Variants in ZNF746 observed in about 807,000 individuals in gnomAD.
The protein encoded by ZNF746 is zinc finger protein 746.
ZNF746 carries 13 observed loss-of-function variants against 41.0 expected under a neutral mutation model. That is an observed-to-expected ratio of 0.32 (90% confidence interval 0.21 to 0.50). ZNF746 has a LOEUF of 0.50. Ranked by LOEUF, ZNF746 falls within the 20% of genes least tolerant of loss-of-function variation. The pLI is 0.98. For missense variants in ZNF746, 811 were observed against 922.9 expected, an observed-to-expected ratio of 0.88 and a Z score of 1.57; for synonymous variants, 424 against 396.2, an observed-to-expected ratio of 1.07 and a Z score of -0.83.
intron 4 of ZNF746, among the ~76,000 whole-genome samples, chr7:149,484,400 T>A (rs972995162): frequency 6.6e-5 from 10 of 152,202 alleles, no homozygotes; most frequent in African/African-American, 2.4e-4. Context: ...ATAATTTACC[T>A]TACTAGCAGG....
At chr7:149,491,202 G>A (rs1800794936) in intron 4 of ZNF746, 1 of 152,464 alleles carries the variant, frequency 6.6e-6, no homozygotes, top group Admixed American at 6.5e-5. Flanking sequence ...AACAGGCTCA[G>A]GATGGACAGT....
rs1801045975 is a variant in ZNF746 at position 149,497,439 on chromosome 7, C to T, written c.24+74G>A. On this transcript the variant is annotated intron_variant, in intron 1 of 6. Transcript: ENST00000458143. This position sits in a 1 kb window ranked among gnomAD's most constrained non-coding sequence, Gnocchi z 4.2. ...CCCCGGAACCCCTCCCCAGGGCCTG[C>T]GGCGCCGTGTGCCGGGGCCGGGCCG... 2.9e-6 allele frequency: 3 copies of T among 1,050,584 alleles called. No individual in the cohort carries two copies. The highest frequency in any genetic ancestry group is 3.4e-6 in the Non-Finnish European group (3 of 872,358). 65.1% of individuals were successfully genotyped at this position (1,050,584 alleles called of 1,614,324 possible).
At chr7:149,478,903 C>T (rs1362398585) in intron 4 of ZNF746, among the ~76,000 whole-genome samples, 4 of 152,118 alleles carry the variant, frequency 2.6e-5, no homozygotes, top group Admixed American at 2.6e-4. Flanking sequence ...GGCTCTGGCT[C>T]AACAACAACA....
At chr7:149,496,456 C>A (rs1248223153) in intron 1 of ZNF746, among the ~76,000 whole-genome samples, 1 of 152,196 alleles carries the variant, frequency 6.6e-6, no homozygotes, top group Non-Finnish European at 1.5e-5. Context: ...CACTGCCCAC[C>A]CGCAGGATGA....
intron 4 of ZNF746, among the ~76,000 whole-genome samples, chr7:149,478,784 A>C (rs1800397732): frequency 6.6e-6 from 1 of 152,266 alleles, no homozygotes; most frequent in Non-Finnish European, 1.5e-5. Context: ...AAAGAACAGA[A>C]TCTTTAAGGC....
chr7:149,477,938 T>C (rs1800367565), intron 4 of ZNF746, 183 bp from the exon 5 acceptor site: 2 of 502,566 alleles, frequency 4.0e-6, no homozygotes, highest in East Asian at 6.3e-5. Context: ...GGTCACATGG[T>C]ATTGGGAATG....
chr7:149,477,445 A>G (rs1800343046), intron 5 of ZNF746, 119 bp downstream of exon 5: 4 of 1,233,268 alleles, frequency 3.2e-6, no homozygotes, highest in African/African-American at 1.5e-5. Flanking sequence ...GAAAATTTCT[A>G]AAGTTGTCAG....
intron 3 of ZNF746, among the ~76,000 whole-genome samples, chr7:149,493,755 T>A (rs1029115810): frequency 1.1e-4 from 16 of 152,164 alleles, no homozygotes; most frequent in African/African-American, 3.6e-4. Context: ...CGGGCCTGCG[T>A]AGGAGAGAAG....
At position 149,475,201 on chromosome 7, in the gene ZNF746, A is replaced by G; in HGVS notation, c.1166T>C (p.Leu389Pro). ...AQEETPPGDW[L>P]FGGVRWGWNF... is the part of the protein sequence containing the mutation. Reference sequence around the variant, plus strand: ...CCAGCCCCACCGGACCCCTCCGAAGAGCCAGTCCCCAGGAGGGGTCTCCTC... The same window carrying G: ...CCAGCCCCACCGGACCCCTCCGAAGGGCCAGTCCCCAGGAGGGGTCTCCTC... The change falls in exon 7 of 7, where the codon CTC (leucine) becomes CCC (proline). Residue 389 changes from leucine to proline, a missense_variant. Leu to Pro is a moderately conservative substitution (Grantham distance 98). Coordinates refer to ENST00000458143, the MANE Select transcript of ZNF746 (RefSeq NM_001394198.1). 8 of 1,612,742 alleles carry G rather than the reference A, an allele frequency of 5.0e-6. No homozygotes were observed. The highest frequency in any genetic ancestry group is 6.8e-6 in the Non-Finnish European group (8 of 1,179,726).
Position 149,494,110 on chromosome 7 carries a change from G to A in ZNF746, c.330C>T (p.Pro110=), listed in dbSNP as rs73727726. The A allele has an allele frequency of 1.3e-3, 2,149 of 1,614,078 alleles. 24 individuals carry two copies. In the African/African-American group the frequency reaches 0.024, roughly 18 times the overall value. Residue 110 remains proline (P), a synonymous_variant, in exon 3 of 7, where the codon CCC becomes CCT. Coordinates refer to ENST00000458143, the MANE Select transcript of ZNF746 (RefSeq NM_001394198.1). This position sits in a 1 kb window ranked among gnomAD's most constrained non-coding sequence, Gnocchi z 5.6. ...ACACGGCCACATCATCAAAGGTCAC[G>A]GGCACCTGGAACCACAAGTGTCACA... ...PGSKGESPKV[P]VTFDDVAVYF... is the part of the protein sequence containing the mutation.
chr7:149,493,848 C>A, intron 3 of ZNF746, 141 bp downstream of exon 3: 2 of 1,403,244 alleles, frequency 1.4e-6, no homozygotes, highest in South Asian at 2.7e-5. Context: ...AGGGCTCATC[C>A]TTCACAAAAG....
chr7:149,492,399 T>C (rs2116489488), intron 4 of ZNF746, among the ~76,000 whole-genome samples: 1 of 152,376 alleles, frequency 6.6e-6, no homozygotes, highest in African/African-American at 2.4e-5. Context: ...ACACAGAACA[T>C]ACAAAATATG....
At position 149,474,306 on chromosome 7, in the gene ZNF746, A is replaced by G; in HGVS notation, c.*78T>C. 6.6e-7 allele frequency: 1 copy of G among 1,515,524 alleles called. No homozygotes were observed. Among genetic ancestry groups the G allele is most frequent in the Non-Finnish European group, 8.9e-7 (1 of 1,121,410 alleles). 93.9% of individuals were successfully genotyped at this position (1,515,524 alleles called of 1,614,324 possible). A position where few individuals can be genotyped will look rare whatever the true frequency, so the allele number is the denominator to read the frequency against. ...TTCTCCCCGTCCCGCGTCTGCCTGA[A>G]GCTTCCACGCCGCCCTGCTGCCTGC... On this transcript the variant is annotated 3_prime_UTR_variant, in exon 7 of 7. Coordinates refer to ENST00000458143, the MANE Select transcript of ZNF746 (RefSeq NM_001394198.1). This position sits in a 1 kb window ranked among gnomAD's most constrained non-coding sequence, Gnocchi z 6.3.
chr7:149,495,985 AC>A (rs5888360), intron 1 of ZNF746, among the ~76,000 whole-genome samples: 95,414 of 151,744 alleles, frequency 0.63, 30,579 homozygotes, highest in Middle Eastern at 0.73. Context: ...GCTTGAGTCC[AC>A]CCTCCACCTA....
intron 4 of ZNF746, among the ~76,000 whole-genome samples, chr7:149,478,301 C>T (rs1378934285): frequency 1.3e-5 from 2 of 152,122 alleles, no homozygotes; most frequent in Admixed American, 6.5e-5. Context: ...GTGGCCGAGC[C>T]GCCTGCCTGA....
chr7:149,492,583 G>A (rs1434240286), intron 4 of ZNF746, among the ~76,000 whole-genome samples: 2 of 152,132 alleles, frequency 1.3e-5, no homozygotes, highest in East Asian at 1.9e-4. Context: ...CCCTCTCAGC[G>A]TTCTCCTCTC....
chr7:149,495,539 G>A (rs1048716427), intron 1 of ZNF746, among the ~76,000 whole-genome samples: 6 of 152,198 alleles, frequency 3.9e-5, no homozygotes, highest in Admixed American at 3.9e-4. Context: ...ATCTGAATGT[G>A]GGACCTACAG....
chr7:149,477,016 C>A lies in ZNF746; in HGVS notation c.789G>T (p.Pro263=). The A allele has an allele frequency of 6.2e-7, 1 of 1,613,050 alleles. No individual in the cohort carries two copies. Among genetic ancestry groups the A allele is most frequent in the South Asian group, 1.1e-5 (1 of 91,030 alleles). The part of the protein sequence containing the change: ...GVHSNFSTTI[P]PTSWQTDLPP... ...GGAGATCCGTTTGCCAGGAGGTGGGCGGGATGGTGGTGGAAAAGTTGGAAT... is the reference window on the plus strand; with the variant it reads ...GGAGATCCGTTTGCCAGGAGGTGGGAGGGATGGTGGTGGAAAAGTTGGAAT... Residue 263 remains proline, a synonymous_variant, in exon 6 of 7, where the codon CCG becomes CCT. Transcript: ENST00000458143.
intron 5 of ZNF746, 58 bp from the exon 6 acceptor site, chr7:149,477,105 A>C: frequency 6.5e-7 from 1 of 1,545,802 alleles, no homozygotes; most frequent in Non-Finnish European, 8.7e-7. Context: ...AGGACAGAAG[A>C]CTGTTGGGGA....
Sources: gnomAD v4.1 joint callset for allele counts (sites outside exome capture counted in the v4.1 genomes callset) on GRCh38, gnomAD v4.1.1 for gene constraint, Gnocchi (gnomAD v3.1) non-coding constraint, MANE v1.5 for transcripts, NCBI Gene and HGNC (gene_info 2026-07-23, HGNC 2026-07-21) for gene names.